Variants in ENPP4 observed in about 807,000 individuals in gnomAD.
ENPP4 encodes the protein ectonucleotide pyrophosphatase/phosphodiesterase 4.
In ENPP4, 18 loss-of-function variants were observed where a neutral mutation model predicts 33.4. The ratio of observed to expected loss-of-function variants is 0.54; its 90% confidence interval spans 0.37 to 0.80. The LOEUF (loss-of-function observed/expected upper bound fraction) is 0.80, where lower values mean the gene tolerates loss of function less well. Among genes scored for constraint, ENPP4 ranks in the 30% least tolerant of loss-of-function variants. ENPP4 has a pLI of 0.00. For missense variants in ENPP4, 480 were observed against 541.7 expected (o/e 0.89, Z 1.13); for synonymous variants, 172 against 189.9 (o/e 0.91, Z 0.78).
In ENPP4 at chr6:46,145,931, C is replaced by T. The variant is rs1764134060; in HGVS notation, c.*2291C>T. The T allele has an allele frequency of 6.6e-6, 1 of 151,704 alleles. No homozygotes were observed. 9.4% of individuals were successfully genotyped at this position (151,704 alleles called of 1,614,324 possible). A position where few individuals can be genotyped will look rare whatever the true frequency, so the allele number is the denominator to read the frequency against. On this transcript the variant is annotated 3_prime_UTR_variant, in exon 4 of 4. Transcript: ENST00000321037. ...TTTAAAAAATTATCACTGTTAAAGC[C>T]ATTGACTCCTTTAGTACACTGAGAA...
chr6:46,143,620 G>T lies in ENPP4; in HGVS notation c.1342G>T (p.Asp448Tyr). ...TCGACTTCAGCTACAAGAAGATGAT[G>T]ATGATCCTTTAATTGGGTGACATGT... Reference protein sequence around the residue: ...FSRLQLQEDDDDPLIG With the variant: ...FSRLQLQEDDYDPLIG The change falls in exon 4 of 4, where the codon GAT becomes TAT. Residue 448 changes from aspartate to tyrosine, a missense_variant. Around this residue, in one of 3 missense-constraint regions of ENPP4, gnomAD observed 249 missense variants for 251.8 expected, o/e 0.99. Transcript: ENST00000321037. The T allele has an allele frequency of 6.2e-7, 1 of 1,610,554 alleles. No homozygotes were observed. The highest frequency in any genetic ancestry group is 1.1e-5 in the South Asian group (1 of 90,702).
At chr6:46,141,906 G>A (rs1365864423) in intron 3 of ENPP4, among the ~76,000 whole-genome samples, 1 of 151,432 alleles carries the variant, frequency 6.6e-6, no homozygotes, top group South Asian at 2.1e-4. Context: ...AGGCTTTGTG[G>A]GCCAGCTGGT....
intron 1 of ENPP4, among the ~76,000 whole-genome samples, chr6:46,134,201 A>G (rs768420429): frequency 6.6e-6 from 1 of 152,110 alleles, no homozygotes; most frequent in Non-Finnish European, 1.5e-5. Context: ...TTGAGGGCCT[A>G]TTCTGTAACC....
At chr6:46,137,738 G>A (rs1022493320) in intron 1 of ENPP4, among the ~76,000 whole-genome samples, 3 of 151,756 alleles carry the variant, frequency 2.0e-5, no homozygotes, top group Non-Finnish European at 4.4e-5. Context: ...GGAGCACCAG[G>A]AACAAATGTT....
At chr6:46,135,523 A>G (rs970013121) in intron 1 of ENPP4, among the ~76,000 whole-genome samples, 1 of 151,900 alleles carries the variant, frequency 6.6e-6, no homozygotes, top group African/African-American at 2.4e-5. Context: ...TCTGACTTTT[A>G]TTATTGAGTT....
At position 46,145,594 on chromosome 6, in the gene ENPP4, G is replaced by C. The variant is rs1210086156; in HGVS notation, c.*1954G>C. 2 of 151,680 alleles carry C rather than the reference G, an allele frequency of 1.3e-5. No homozygotes were observed. The highest frequency in any genetic ancestry group is 4.8e-5 in the African/African-American group (2 of 41,322). The allele number at this position is 151,680 out of a possible 1,614,324, so 9.4% of individuals were successfully genotyped here. On this transcript the variant is annotated 3_prime_UTR_variant, in exon 4 of 4. Coordinates refer to ENST00000321037, the MANE Select transcript of ENPP4 (RefSeq NM_014936.5). ...ATAGTAGCAGAATATTTTATACTTG[G>C]TCCTTGCAATGGTGTGAGTTTTAAT... is the stretch of plus-strand genomic sequence containing the variant.
rs1764137261 is a variant in ENPP4 at position 46,146,180 on chromosome 6, C to CA, written c.*2541dup. 6.6e-6 allele frequency: 1 copy of CA among 152,134 alleles called. No individual in the cohort carries two copies. Among genetic ancestry groups the CA allele is most frequent in the African/African-American group, 2.4e-5 (1 of 41,368 alleles). The allele number at this position is 152,134 out of a possible 1,614,324, so 9.4% of individuals were successfully genotyped here. ...AGTACATTCATGTATAACATAGGGA[C>CA]AGTTCTGCTGCTGTTATTTATATGC... On this transcript the variant is annotated 3_prime_UTR_variant, in exon 4 of 4. Coordinates refer to ENST00000321037, the MANE Select transcript of ENPP4 (RefSeq NM_014936.5).
chr6:46,144,941 T>A lies in ENPP4; in HGVS notation c.*1301T>A, dbSNP rs1185308353. ...GCCAAGGGTTTATTGTGAAGAACTG[T>A]CATCCTGCCTTTGCTAGCTGGTACC... On this transcript the variant is annotated 3_prime_UTR_variant, in exon 4 of 4. Transcript: ENST00000321037. The A allele has an allele frequency of 2.5e-6, 1 of 396,454 alleles. No homozygotes were observed. The highest frequency in any genetic ancestry group is 2.1e-5 in the African/African-American group (1 of 48,492). 24.6% of individuals were successfully genotyped at this position (396,454 alleles called of 1,614,324 possible).
chr6:46,135,495 C>A (rs990274353), intron 1 of ENPP4, among the ~76,000 whole-genome samples: 2 of 151,960 alleles, frequency 1.3e-5, no homozygotes, highest in African/African-American at 4.8e-5. Flanking sequence ...AGCTCATGCT[C>A]ATTTTTTGAC....
At position 46,138,310 on chromosome 6, in the gene ENPP4, C is replaced by T. The variant is rs981856076; in HGVS notation, c.-33-1241C>T. Among the ~76,000 whole-genome samples, 3 of 151,938 alleles carry T rather than the reference C, an allele frequency of 2.0e-5. No homozygotes were observed. The East Asian group carries it at 5.8e-4, about 29-fold the overall frequency. ...ATCTTCAGCTTCCTTTGTCTTCCTT[C>T]AGTTTCTGGCAGAATCTCAAATCCA... On this transcript the variant is annotated intron_variant, in intron 1 of 3. Coordinates refer to ENST00000321037, the MANE Select transcript of ENPP4 (RefSeq NM_014936.5).
intron 1 of ENPP4, among the ~76,000 whole-genome samples, chr6:46,131,482 T>C (rs763174644): frequency 1.3e-5 from 2 of 152,128 alleles, no homozygotes; most frequent in Non-Finnish European, 2.9e-5. Context: ...ACAAAGGACA[T>C]GAACTCATCA....
intron 1 of ENPP4, among the ~76,000 whole-genome samples, chr6:46,136,150 G>A (rs1763971159): frequency 6.6e-6 from 1 of 151,900 alleles, no homozygotes; most frequent in Admixed American, 6.6e-5. Context: ...CTGTTATTTG[G>A]TGTTGTAGAA....
chr6:46,143,797 T>C lies in ENPP4; in HGVS notation c.*157T>C. 1.3e-6 allele frequency: 1 copy of C among 743,716 alleles called. No individual in the cohort carries two copies. Among genetic ancestry groups the C allele is most frequent in the Non-Finnish European group, 2.1e-6 (1 of 473,448 alleles). The allele number at this position is 743,716 out of a possible 1,614,324, so 46.1% of individuals were successfully genotyped here. On this transcript the variant is annotated 3_prime_UTR_variant, in exon 4 of 4. Coordinates refer to ENST00000321037, the MANE Select transcript of ENPP4 (RefSeq NM_014936.5). ...TTACTTTGTTTTCCTTGTGTTTTGT[T>C]TCGGTGCATTTGCTAATAAGATAAC...
chr6:46,138,325 T>C (rs1476259982), intron 1 of ENPP4, among the ~76,000 whole-genome samples: 1 of 151,834 alleles, frequency 6.6e-6, no homozygotes, highest in Non-Finnish European at 1.5e-5. Flanking sequence ...TCTGGCAGAA[T>C]CTCAAATCCA....
intron 1 of ENPP4, among the ~76,000 whole-genome samples, chr6:46,134,178 A>C (rs1204693645): frequency 6.6e-6 from 1 of 152,144 alleles, no homozygotes; most frequent in African/African-American, 2.4e-5. Flanking sequence ...AGAATGATAA[A>C]GGGAAACTAA....
At chr6:46,133,740 A>G (rs1763937159) in intron 1 of ENPP4, among the ~76,000 whole-genome samples, 1 of 152,136 alleles carries the variant, frequency 6.6e-6, no homozygotes, top group Non-Finnish European at 1.5e-5. Context: ...ATTCCCTGCA[A>G]ACTTTATTTT....
chr6:46,141,592 A>AC (rs911938127), intron 3 of ENPP4, among the ~76,000 whole-genome samples: 15 of 151,746 alleles, frequency 9.9e-5, no homozygotes, highest in Non-Finnish European at 2.1e-4. Context: ...TGTCTGAGTA[A>AC]CCCTAAGTCT....
intron 1 of ENPP4, among the ~76,000 whole-genome samples, chr6:46,133,046 C>T (rs994715080): frequency 7.2e-5 from 11 of 151,860 alleles, no homozygotes; most frequent in Non-Finnish European, 8.8e-5. Flanking sequence ...TAAGGAGATT[C>T]TGGGCTGAGA....
At chr6:46,135,158 T>C (rs899855364) in intron 1 of ENPP4, among the ~76,000 whole-genome samples, 13 of 152,108 alleles carry the variant, frequency 8.5e-5, no homozygotes, top group African/African-American at 3.1e-4. Flanking sequence ...TACAAGTTTT[T>C]GTGTGGACAT....
Sources: allele counts gnomAD v4.1 joint callset (sites outside exome capture counted in the v4.1 genomes callset), GRCh38; gene constraint gnomAD v4.1.1; regional missense constraint gnomAD v4.1.1; transcripts MANE v1.5; gene names NCBI Gene and HGNC (gene_info 2026-07-23, HGNC 2026-07-21).